DTWD2: variants seen among roughly 807,000 people sequenced by gnomAD.
The protein encoded by DTWD2 is DTW motif tRNA-uridine aminocarboxypropyltransferase 2.
DTWD2 carries 39 observed loss-of-function variants against 31.8 expected under a neutral mutation model. The ratio of observed to expected loss-of-function variants is 1.22; its 90% confidence interval spans 0.95 to 1.60. DTWD2 has a LOEUF of 1.60. Ranked by LOEUF, DTWD2 falls within the 40% of genes most tolerant of loss-of-function variation. DTWD2 has a pLI of 0.00. For synonymous variants in DTWD2, 180 were observed against 142.8 expected (o/e 1.26, Z -1.86); for missense variants, 515 against 381.5 (o/e 1.35, Z -2.92).
chr5:118,933,647 G>A (rs1407457227), intron 3 of DTWD2, among the ~76,000 whole-genome samples: 2 of 152,080 alleles, frequency 1.3e-5, no homozygotes, highest in South Asian at 2.1e-4. Context: ...AGGGGAGAAT[G>A]TCCTCAGTTT....
intron 1 of DTWD2, among the ~76,000 whole-genome samples, chr5:118,952,846 C>G (rs541221304): frequency 6.6e-6 from 1 of 152,128 alleles, no homozygotes; most frequent in South Asian, 2.1e-4. Flanking sequence ...CTTGTTTGCA[C>G]GTCTCTGTTA....
chr5:118,985,859 T>G (rs1755415126), intron 1 of DTWD2, among the ~76,000 whole-genome samples: 2 of 152,172 alleles, frequency 1.3e-5, no homozygotes, highest in South Asian at 4.1e-4. Flanking sequence ...AAAAATTTGA[T>G]GCGGTTCATT....
At chr5:118,984,592 T>C (rs1381613722) in intron 1 of DTWD2, among the ~76,000 whole-genome samples, 6 of 152,192 alleles carry the variant, frequency 3.9e-5, no homozygotes. Context: ...GTTAAATACA[T>C]AGATATGGTG....
intron 4 of DTWD2, among the ~76,000 whole-genome samples, chr5:118,926,116 C>T (rs1206468498): frequency 2.0e-5 from 3 of 152,004 alleles, no homozygotes; most frequent in South Asian, 2.1e-4. Context: ...TATAGCAGCA[C>T]GATTCACAAC....
chr5:118,973,635 TCGCGG>T (rs1561478016), intron 1 of DTWD2, among the ~76,000 whole-genome samples: 3 of 149,346 alleles, frequency 2.0e-5, no homozygotes, highest in South Asian at 2.1e-4. Flanking sequence ...GCCTCCTTGC[TCGCGG>T]CAGCCTCCTT....
chr5:118,932,947 A>G lies in DTWD2; in HGVS notation c.405-4218T>C, dbSNP rs866039452. Reference sequence around the variant, plus strand: ...TACACCTGAGGTAATCAAAAAAAAAAGAGCAAAGACACAATTACTGATATC... The same window carrying G: ...TACACCTGAGGTAATCAAAAAAAAAGGAGCAAAGACACAATTACTGATATC... On this transcript the variant is annotated intron_variant, in intron 3 of 5. Transcript: ENST00000510708. 4.6e-5 allele frequency among the ~76,000 whole-genome samples: 7 copies of G among 152,298 alleles called. No homozygotes were observed. In the South Asian group the frequency reaches 6.2e-4, roughly 14 times the overall value.
intron 4 of DTWD2, among the ~76,000 whole-genome samples, chr5:118,854,060 T>C (rs1365227083): frequency 1.3e-5 from 2 of 152,154 alleles, no homozygotes; most frequent in Non-Finnish European, 2.9e-5. Context: ...ATAATTTATA[T>C]CTCTGGAGGA....
intron 1 of DTWD2, among the ~76,000 whole-genome samples, chr5:118,955,545 C>A (rs1754566301): frequency 6.6e-6 from 1 of 152,106 alleles, no homozygotes; most frequent in Non-Finnish European, 1.5e-5. Context: ...TACTGCATAC[C>A]TAAGTGCCAG....
chr5:118,857,491 T>C (rs937041759), intron 4 of DTWD2, among the ~76,000 whole-genome samples: 2 of 152,198 alleles, frequency 1.3e-5, no homozygotes, highest in African/African-American at 4.8e-5. Context: ...GTTTAAGTCT[T>C]TTACCCATTT....
intron 1 of DTWD2, among the ~76,000 whole-genome samples, chr5:118,980,533 T>C (rs1441649472): frequency 6.6e-6 from 1 of 152,198 alleles, no homozygotes; most frequent in Non-Finnish European, 1.5e-5. Flanking sequence ...AAAGAAGATA[T>C]GCAAATGGCC....
At chr5:118,952,814 G>C (rs143265253) in intron 1 of DTWD2, among the ~76,000 whole-genome samples, 14 of 152,266 alleles carry the variant, frequency 9.2e-5, no homozygotes, top group African/African-American at 3.1e-4. Flanking sequence ...CATTGCTTAT[G>C]CTCCAAGACA....
chr5:118,845,384 C>T (rs7722027), intron 5 of DTWD2, among the ~76,000 whole-genome samples: 60,222 of 151,954 alleles, frequency 0.4, 14,616 homozygotes, highest in African/African-American at 0.69. Context: ...TTTATTATCG[C>T]AACTAGATGC....
chr5:118,971,912 C>G (rs1481094874), intron 1 of DTWD2, among the ~76,000 whole-genome samples: 1 of 152,170 alleles, frequency 6.6e-6, no homozygotes, highest in Non-Finnish European at 1.5e-5. Context: ...TCAAGAAGTT[C>G]TTTAAAACTA....
intron 1 of DTWD2, among the ~76,000 whole-genome samples, chr5:118,984,787 A>C (rs1426743370): frequency 1.3e-5 from 2 of 152,122 alleles, no homozygotes; most frequent in Non-Finnish European, 2.9e-5. Flanking sequence ...ATGATTTGCA[A>C]GTGGTTTATG....
At chr5:118,960,696 G>C (rs1754685416) in intron 1 of DTWD2, among the ~76,000 whole-genome samples, 1 of 152,100 alleles carries the variant, frequency 6.6e-6, no homozygotes, top group Non-Finnish European at 1.5e-5. Flanking sequence ...ATCAGTGGTA[G>C]ACTGGATAAA....
chr5:118,984,085 G>C (rs190047214), intron 1 of DTWD2, among the ~76,000 whole-genome samples: 2 of 152,182 alleles, frequency 1.3e-5, no homozygotes, highest in African/African-American at 4.8e-5. Flanking sequence ...TTGGAAGCTC[G>C]AGACCAGCCT....
rs1287795698 is a variant in DTWD2 at position 118,928,678 on chromosome 5, A to T, written c.456T>A (p.Tyr152Ter). 6.3e-7 allele frequency: 1 copy of T among 1,594,200 alleles called. No individual in the cohort carries two copies. The highest frequency in any genetic ancestry group is 1.7e-5 in the Admixed American group (1 of 58,832). ...VCRKSGTLIL[Y>*]PGAEAANLEE... ...CCAAATTAGCAGCTTCAGCCCCTGG[A>T]TATAATATTAATGTACCAGACTTCC... Residue 152 changes from tyrosine (Y) to a stop codon, truncating the protein, a stop_gained, in exon 4 of 6, where the codon TAT becomes TAA. Transcript: ENST00000510708. LOFTEE classifies it high-confidence loss of function.
intron 4 of DTWD2, among the ~76,000 whole-genome samples, chr5:118,857,179 T>A (rs747474722): frequency 1.3e-5 from 2 of 152,122 alleles, no homozygotes; most frequent in Non-Finnish European, 2.9e-5. Flanking sequence ...TTAACAGCAG[T>A]CTCTACTCTG....
In DTWD2 at chr5:118,836,346, T is replaced by G. The variant is rs1242641202; in HGVS notation, c.*4571A>C. ...CCTCTGCCTCCCAGGTTCAAGCAAT[T>G]CTCTGCCTCAGCCTCCTGAGTAGCT... On this transcript the variant is annotated 3_prime_UTR_variant, in exon 6 of 6. Coordinates refer to ENST00000510708, the MANE Select transcript of DTWD2 (RefSeq NM_173666.4). 6.6e-6 allele frequency among the ~76,000 whole-genome samples: 1 copy of G among 152,084 alleles called. No homozygotes were observed. The highest frequency in any genetic ancestry group is 1.5e-5 in the Non-Finnish European group (1 of 68,014).
Sources: gnomAD v4.1 joint callset for allele counts (sites outside exome capture counted in the v4.1 genomes callset) on GRCh38, gnomAD v4.1.1 for gene constraint, MANE v1.5 for transcripts, NCBI Gene and HGNC (gene_info 2026-07-23, HGNC 2026-07-21) for gene names.